FHIT: variants seen among roughly 807,000 people sequenced by gnomAD.
FHIT encodes the protein fragile histidine triad diadenosine triphosphatase, also known as bis(5'-adenosyl)-triphosphatase.
FHIT carries 19 observed loss-of-function variants against 17.9 expected under a neutral mutation model. That is an observed-to-expected ratio of 1.06 (90% CI 0.74 to 1.56). The LOEUF (loss-of-function observed/expected upper bound fraction) is 1.56, where lower values mean the gene tolerates loss of function less well. Ranked by LOEUF, FHIT falls within the 40% of genes most tolerant of loss-of-function variation. The probability of loss-of-function intolerance (pLI) is 0.00; values close to 1 mark genes in which losing one functional copy is unlikely to be tolerated. For synonymous variants in FHIT, 81 were observed against 69.7 expected (o/e 1.16, Z -0.81); for missense variants, 248 against 189.2 (o/e 1.31, Z -1.82).
chr3:60,431,417 A>G (rs1235668725), intron 5 of FHIT, among the ~76,000 whole-genome samples: 4 of 152,076 alleles, frequency 2.6e-5, no homozygotes, highest in Non-Finnish European at 4.4e-5. Flanking sequence ...TATCCGTAGA[A>G]TCAATTCAGG....
intron 2 of FHIT, among the ~76,000 whole-genome samples, chr3:61,068,258 A>G (rs9843759): frequency 0.55 from 83,828 of 152,014 alleles, 24,082 homozygotes; most frequent in Non-Finnish European, 0.64. Flanking sequence ...GCAGTCTCTA[A>G]GGAAGAATGT....
intron 4 of FHIT, among the ~76,000 whole-genome samples, chr3:60,784,039 T>A (rs2108102608): frequency 6.6e-6 from 1 of 152,354 alleles, no homozygotes; most frequent in East Asian, 1.9e-4. Flanking sequence ...TGGCAGGTCG[T>A]GAACTGCCCA....
intron 8 of FHIT, among the ~76,000 whole-genome samples, chr3:59,902,240 C>A (rs1317072109): frequency 1.3e-5 from 2 of 152,026 alleles, no homozygotes; most frequent in African/African-American, 4.8e-5. Context: ...GAAATAAAAA[C>A]CACAGTGAGG....
chr3:60,793,048 T>C (rs1405452243), intron 4 of FHIT, among the ~76,000 whole-genome samples: 68 of 152,282 alleles, frequency 4.5e-4, no homozygotes, highest in Non-Finnish European at 2.9e-5. Context: ...TTAAAAAAGA[T>C]TCTTGTGACC....
At chr3:60,777,614 G>A (rs1700252151) in intron 4 of FHIT, among the ~76,000 whole-genome samples, 1 of 152,236 alleles carries the variant, frequency 6.6e-6, no homozygotes, top group Admixed American at 6.5e-5. Context: ...AAAACAAAGG[G>A]GGAAGGGGAT....
chr3:61,051,675 A>T (rs1361024041), intron 2 of FHIT, among the ~76,000 whole-genome samples: 1 of 151,916 alleles, frequency 6.6e-6, no homozygotes, highest in Admixed American at 6.6e-5. Context: ...TGTTTGTTGC[A>T]TGAATAATAA....
At chr3:60,968,485 T>C (rs1709854325) in intron 3 of FHIT, among the ~76,000 whole-genome samples, 1 of 151,876 alleles carries the variant, frequency 6.6e-6, no homozygotes, top group South Asian at 2.1e-4. Context: ...TGGCATGATC[T>C]TGGCTCACTG....
chr3:60,900,784 T>C (rs933482857), intron 3 of FHIT, among the ~76,000 whole-genome samples: 1 of 152,194 alleles, frequency 6.6e-6, no homozygotes, highest in Admixed American at 6.5e-5. Flanking sequence ...AGTAATTTTA[T>C]TTTTATGTTT....
At chr3:60,337,225 C>A (rs532351417) in intron 5 of FHIT, among the ~76,000 whole-genome samples, 1 of 152,154 alleles carries the variant, frequency 6.6e-6, no homozygotes, top group African/African-American at 2.4e-5. Context: ...TAGGAAAAAT[C>A]GCAAGGTGTG....
At chr3:59,970,538 G>A (rs929330521) in intron 7 of FHIT, among the ~76,000 whole-genome samples, 1 of 152,032 alleles carries the variant, frequency 6.6e-6, no homozygotes, top group African/African-American at 2.4e-5. Context: ...ATTTTTATAA[G>A]GGTTGGCTTA....
At chr3:59,757,414 T>G (rs1701273584) in intron 8 of FHIT, among the ~76,000 whole-genome samples, 1 of 152,230 alleles carries the variant, frequency 6.6e-6, no homozygotes, top group Admixed American at 6.5e-5. Flanking sequence ...ACTGAAGAAC[T>G]GATACGTGTC....
chr3:60,629,172 C>T (rs910855201), intron 4 of FHIT, among the ~76,000 whole-genome samples: 10 of 152,082 alleles, frequency 6.6e-5, no homozygotes, highest in Admixed American at 3.3e-4. Flanking sequence ...ACCTGTTCCT[C>T]AGTGAGATAC....
chr3:61,063,987 C>T (rs1424316080), intron 2 of FHIT, among the ~76,000 whole-genome samples: 1 of 152,148 alleles, frequency 6.6e-6, no homozygotes, highest in Non-Finnish European at 1.5e-5. Flanking sequence ...AGTCCTTCAT[C>T]CTTGCTAACA....
intron 4 of FHIT, among the ~76,000 whole-genome samples, chr3:60,565,718 G>T (rs2037111200): frequency 1.3e-5 from 2 of 152,126 alleles, no homozygotes; most frequent in South Asian, 2.1e-4. Context: ...CCAGCTCCTG[G>T]ATTCACTGAT....
At chr3:60,707,104 C>T (rs1173452624) in intron 4 of FHIT, among the ~76,000 whole-genome samples, 1 of 152,156 alleles carries the variant, frequency 6.6e-6, no homozygotes, top group African/African-American at 2.4e-5. Flanking sequence ...CAAAATATTT[C>T]TGTAGGCATG....
At chr3:60,017,408 GC>G (rs1205671785) in intron 5 of FHIT, among the ~76,000 whole-genome samples, 2 of 152,174 alleles carry the variant, frequency 1.3e-5, no homozygotes, top group African/African-American at 4.8e-5. Context: ...TACAAAGCTG[GC>G]ATTTTGCCCC....
At chr3:60,852,167 C>T (rs1280050459) in intron 3 of FHIT, among the ~76,000 whole-genome samples, 1 of 152,114 alleles carries the variant, frequency 6.6e-6, no homozygotes, top group Non-Finnish European at 1.5e-5. Flanking sequence ...AAAGAGGAAA[C>T]TCCTCTTACC....
In FHIT at chr3:60,324,162, T is replaced by C. The variant is rs567786172; in HGVS notation, c.103+212698A>G. On this transcript the variant is annotated intron_variant, in intron 5 of 9. Transcript: ENST00000492590. Reference sequence around the variant, plus strand: ...AAGTATTAACTCATTTACTCCTCATTAACAAACTTGTGAGACACAGAAAGG... The same window carrying C: ...AAGTATTAACTCATTTACTCCTCATCAACAAACTTGTGAGACACAGAAAGG... Among the ~76,000 whole-genome samples the C allele has an allele frequency of 3.9e-4, 59 of 152,230 alleles. No individual in the cohort carries two copies. The South Asian group carries it at 8.9e-3, about 23-fold the overall frequency.
intron 2 of FHIT, among the ~76,000 whole-genome samples, chr3:61,188,022 C>G (rs1428843342): frequency 6.6e-6 from 1 of 152,112 alleles, no homozygotes; most frequent in Non-Finnish European, 1.5e-5. Context: ...AATTAAAGAA[C>G]TAGAGAAGCA....
Sources: allele counts gnomAD v4.1 joint callset (sites outside exome capture counted in the v4.1 genomes callset), GRCh38; gene constraint gnomAD v4.1.1; transcripts MANE v1.5; gene names NCBI Gene and HGNC (gene_info 2026-07-23, HGNC 2026-07-21).